ADAMTSL1: variants seen among roughly 807,000 people sequenced by gnomAD.
ADAMTSL1 encodes the protein ADAMTS-like protein 1.
In ADAMTSL1, 126 loss-of-function variants were observed where a neutral mutation model predicts 201.8. The ratio of observed to expected loss-of-function variants is 0.62; its 90% CI spans 0.54 to 0.72. The LOEUF (loss-of-function observed/expected upper bound fraction) is 0.72, where lower values mean the gene tolerates loss of function less well. Among genes scored for constraint, ADAMTSL1 ranks in the 30% least tolerant of loss-of-function variants. The pLI is 0.00. For synonymous variants in ADAMTSL1, 1,121 were observed against 903.4 expected, an observed-to-expected ratio of 1.24 and a Z score of -4.32; for missense variants, 2,679 against 2,277.8, an observed-to-expected ratio of 1.18 and a Z score of -3.59.
At position 18,130,132 on chromosome 9, in the gene ADAMTSL1, T is replaced by C. The variant is rs570206460; in HGVS notation, c.88-33730T>C. ...AATCTTTGAGCCCCCTGCTAACTTCTTGCCATCACAGTAACCTCAGCTACT... is the reference window on the plus strand; with the variant it reads ...AATCTTTGAGCCCCCTGCTAACTTCCTGCCATCACAGTAACCTCAGCTACT... On this transcript the variant is annotated intron_variant, in intron 1 of 29. Transcript: ENST00000680146. 2.0e-5 allele frequency among the ~76,000 whole-genome samples: 3 copies of C among 152,234 alleles called. No individual in the cohort carries two copies. The South Asian group carries it at 6.2e-4, about 32-fold the overall frequency.
chr9:18,684,226 C>T (rs1830688584), intron 12 of ADAMTSL1, among the ~76,000 whole-genome samples: 1 of 151,706 alleles, frequency 6.6e-6, no homozygotes, highest in Non-Finnish European at 1.5e-5. Context: ...ATATCTAAAT[C>T]AATGTTTTGT....
At chr9:18,870,505 A>C (rs2131459704) in intron 23 of ADAMTSL1, among the ~76,000 whole-genome samples, 1 of 152,248 alleles carries the variant, frequency 6.6e-6, no homozygotes, top group East Asian at 1.9e-4. Flanking sequence ...CCTGCTAAAA[A>C]TCTAGTAAAA....
intron 2 of ADAMTSL1, among the ~76,000 whole-genome samples, chr9:18,399,323 ATAT>A (rs1817887215): frequency 8.3e-6 from 1 of 121,152 alleles, no homozygotes; most frequent in Non-Finnish European, 1.7e-5. Flanking sequence ...ATATATATAT[ATAT>A]ATAAAATTAT....
chr9:18,353,815 T>C (rs1488163355), intron 2 of ADAMTSL1, among the ~76,000 whole-genome samples: 1 of 151,960 alleles, frequency 6.6e-6, no homozygotes, highest in East Asian at 1.9e-4. Context: ...AATCTCCTTT[T>C]CCTCCAAAAT....
chr9:18,463,657 C>T (rs1472316498), intron 2 of ADAMTSL1, among the ~76,000 whole-genome samples: 2 of 152,158 alleles, frequency 1.3e-5, no homozygotes, highest in Non-Finnish European at 2.9e-5. Flanking sequence ...CAAGGCTCAT[C>T]CATGTTGTAA....
At chr9:18,445,651 T>C (rs1409768516) in intron 2 of ADAMTSL1, among the ~76,000 whole-genome samples, 2 of 152,142 alleles carry the variant, frequency 1.3e-5, no homozygotes, top group African/African-American at 2.4e-5. Flanking sequence ...CCAAGACTCA[T>C]ATACAAAATG....
At chr9:18,765,638 T>G (rs1820314483) in intron 16 of ADAMTSL1, among the ~76,000 whole-genome samples, 1 of 152,146 alleles carries the variant, frequency 6.6e-6, no homozygotes, top group South Asian at 2.1e-4. Flanking sequence ...AGAGAGCATG[T>G]GTAAGAAAGA....
chr9:18,897,192 C>G (rs1288073606), intron 26 of ADAMTSL1, among the ~76,000 whole-genome samples: 1 of 152,196 alleles, frequency 6.6e-6, no homozygotes, highest in African/African-American at 2.4e-5. Flanking sequence ...CAACTCCAAC[C>G]TGGGTTATAC....
intron 1 of ADAMTSL1, among the ~76,000 whole-genome samples, chr9:17,942,353 A>T (rs1035818503): frequency 6.6e-6 from 1 of 152,182 alleles, no homozygotes; most frequent in Non-Finnish European, 1.5e-5. Flanking sequence ...TATTCATTAG[A>T]TCATTTCTAA....
intron 3 of ADAMTSL1, among the ~76,000 whole-genome samples, chr9:18,564,752 A>G (rs555438415): frequency 6.6e-5 from 10 of 152,334 alleles, no homozygotes; most frequent in South Asian, 2.1e-4. Flanking sequence ...ATTTTAGACT[A>G]TAATAAAAAA....
intron 2 of ADAMTSL1, among the ~76,000 whole-genome samples, chr9:18,178,177 C>T (rs146380148): frequency 0.13 from 19,435 of 152,190 alleles, 1,561 homozygotes; most frequent in East Asian, 0.28. Context: ...GCGCACTGTG[C>T]GCGAGCCGAA....
chr9:18,746,515 C>T (rs1378306147), intron 15 of ADAMTSL1, among the ~76,000 whole-genome samples: 1 of 152,168 alleles, frequency 6.6e-6, no homozygotes, highest in East Asian at 1.9e-4. Flanking sequence ...CTTCAGTTTA[C>T]AATAACTTCA....
intron 1 of ADAMTSL1, among the ~76,000 whole-genome samples, chr9:18,503,844 T>G (rs1455259251): frequency 6.6e-6 from 1 of 152,098 alleles, no homozygotes; most frequent in Non-Finnish European, 1.5e-5. Context: ...AGTAGTCAGT[T>G]TAATAACCGC....
intron 4 of ADAMTSL1, among the ~76,000 whole-genome samples, chr9:18,580,691 C>G (rs987115654): frequency 9.2e-5 from 14 of 152,108 alleles, no homozygotes; most frequent in African/African-American, 3.4e-4. Flanking sequence ...AGGAGTGATA[C>G]ATTTTTAGAG....
intron 2 of ADAMTSL1, among the ~76,000 whole-genome samples, chr9:18,280,444 G>A (rs1342347292): frequency 6.6e-6 from 1 of 151,056 alleles, no homozygotes; most frequent in Non-Finnish European, 1.5e-5. Flanking sequence ...AATCCTACTG[G>A]AGCTTTTATT....
chr9:18,594,479 C>G (rs144209289), intron 4 of ADAMTSL1, among the ~76,000 whole-genome samples: 5 of 152,204 alleles, frequency 3.3e-5, no homozygotes, highest in African/African-American at 1.2e-4. Context: ...TTTTTGATGT[C>G]CTGTAGATCC....
intron 1 of ADAMTSL1, among the ~76,000 whole-genome samples, chr9:18,041,904 A>G (rs900608096): frequency 5.3e-5 from 8 of 152,108 alleles, no homozygotes; most frequent in Non-Finnish European, 8.8e-5. Flanking sequence ...AATGTTGGAA[A>G]CTTTGTAGCA....
intron 2 of ADAMTSL1, among the ~76,000 whole-genome samples, chr9:18,202,515 AAGACTCT>A (rs1458146421): frequency 6.6e-6 from 1 of 152,120 alleles, no homozygotes; most frequent in African/African-American, 2.4e-5. Flanking sequence ...TTATTACTTA[AAGACTCT>A]CTGCCCACTG....
rs530850359 is a variant in ADAMTSL1 at position 18,089,855 on chromosome 9, C to T, written c.88-74007C>T. Among the ~76,000 whole-genome samples, 17 of 152,210 alleles carry T rather than the reference C, an allele frequency of 1.1e-4. No individual in the cohort carries two copies. In the East Asian group the frequency reaches 1.4e-3, roughly 12 times the overall value. ...TGTATAAGATCCTGCCTATAGTTAA[C>T]GATATTGAGTGGTGCACTTAAAAAT... On this transcript the variant is annotated intron_variant, in intron 1 of 29. Transcript: ENST00000680146.
Sources: gnomAD v4.1 joint callset for allele counts (sites outside exome capture counted in the v4.1 genomes callset) on GRCh38, gnomAD v4.1.1 for gene constraint, MANE v1.5 for transcripts, NCBI Gene and HGNC (gene_info 2026-07-23, HGNC 2026-07-21) for gene names.